USP49: variants seen among roughly 807,000 people sequenced by gnomAD.
The protein encoded by USP49 is ubiquitin carboxyl-terminal hydrolase 49.
In USP49, 24 loss-of-function variants were observed where a neutral mutation model predicts 58.6. The observed-to-expected ratio is 0.41, with a 90% confidence interval of 0.30 to 0.58. The LOEUF is 0.58. Ranked by LOEUF, USP49 falls within the 20% of genes least tolerant of loss-of-function variation. USP49 has a pLI of 0.30. For missense variants in USP49, 703 were observed against 866.1 expected (o/e 0.81, Z 2.36); for synonymous variants, 408 against 365.1 (o/e 1.12, Z -1.34).
At chr6:41,878,855 G>A (rs1774553792) in intron 2 of USP49, among the ~76,000 whole-genome samples, 1 of 152,136 alleles carries the variant, frequency 6.6e-6, no homozygotes, top group East Asian at 1.9e-4. Flanking sequence ...ACAGCATGAA[G>A]CACAGAGGGC....
chr6:41,822,986 G>A (rs1773476943), intron 3 of USP49, among the ~76,000 whole-genome samples: 4 of 152,108 alleles, frequency 2.6e-5, no homozygotes, highest in African/African-American at 9.7e-5. Context: ...ATAGGGGATA[G>A]GTTAAATGAA....
Position 41,806,355 on chromosome 6 carries a change from C to G in USP49, c.629G>C (p.Arg210Pro). The change falls in exon 4 of 8, where the codon CGG (arginine) becomes CCG (proline). Residue 210 changes from arginine to proline, a missense_variant. By Grantham distance (103) the Arg-to-Pro change is moderately radical. This residue lies in a region of USP49 where 376 missense variants were observed against 373.5 expected (regional missense o/e 1.01). Coordinates refer to ENST00000682992, the MANE Select transcript of USP49 (RefSeq NM_001286554.2). This position sits in a 1 kb window ranked among gnomAD's most constrained non-coding sequence, Gnocchi z 5.9. Reference protein sequence around the residue: ...LASTPPRKSARLLLHTPRDAG... With the variant: ...LASTPPRKSAPLLLHTPRDAG... ...GTCGCGGGGCGTGTGCAGGAGCAGC[C>G]GTGCACTCTTGCGCGGAGGGGTGCT... The G allele has an allele frequency of 6.5e-7, 1 of 1,531,838 alleles. No homozygotes were observed. Among genetic ancestry groups the G allele is most frequent in the Non-Finnish European group, 8.7e-7 (1 of 1,150,734 alleles). The allele number at this position is 1,531,838 out of a possible 1,614,324, so 94.9% of individuals were successfully genotyped here.
intron 3 of USP49, among the ~76,000 whole-genome samples, chr6:41,808,770 C>G (rs1472977216): frequency 1.3e-5 from 2 of 152,018 alleles, no homozygotes; most frequent in Non-Finnish European, 2.9e-5. Flanking sequence ...GGCGTTTTCC[C>G]CTCAATACCA....
chr6:41,848,252 CA>C (rs959166793), intron 3 of USP49, among the ~76,000 whole-genome samples: 18 of 150,692 alleles, frequency 1.2e-4, no homozygotes, highest in African/African-American at 3.7e-4. Context: ...TACATCGCTA[CA>C]AAAAAAATCA....
chr6:41,857,698 C>A (rs1774154526), intron 3 of USP49, among the ~76,000 whole-genome samples: 1 of 152,190 alleles, frequency 6.6e-6, no homozygotes. Flanking sequence ...CTAATACCTT[C>A]TTCACACCCA....
intron 3 of USP49, among the ~76,000 whole-genome samples, chr6:41,819,479 A>T (rs1017718814): frequency 4.2e-4 from 64 of 152,160 alleles, no homozygotes; most frequent in Non-Finnish European, 1.2e-4. Flanking sequence ...ATACATACAT[A>T]TATACATATC....
At chr6:41,802,464 AT>A (rs1272102736) in intron 5 of USP49, among the ~76,000 whole-genome samples, 3 of 73,698 alleles carry the variant, frequency 4.1e-5, no homozygotes, top group Admixed American at 1.5e-4. Flanking sequence ...TTATTTATTT[AT>A]TTATTTTTTA....
intron 7 of USP49, 61 bp downstream of exon 7, chr6:41,798,663 A>G (rs751154209): frequency 3.7e-6 from 6 of 1,611,202 alleles, no homozygotes; most frequent in African/African-American, 2.7e-5. Context: ...GGAAAACAAT[A>G]AAATGTGGAC....
At chr6:41,800,156 A>G (rs1357810717) in intron 5 of USP49, among the ~76,000 whole-genome samples, 1 of 152,156 alleles carries the variant, frequency 6.6e-6, no homozygotes, top group Non-Finnish European at 1.5e-5. Flanking sequence ...GATGAAAGGA[A>G]TGACTGTGTG....
chr6:41,806,715 C>T lies in USP49; in HGVS notation c.269G>A (p.Gly90Glu). Reference sequence around the variant, plus strand: ...GGAGCTTCTTAGCAGCTTCAGGTCCCCCTCTGGGTTATCATTGAGCACGTA... The same window carrying T: ...GGAGCTTCTTAGCAGCTTCAGGTCCTCCTCTGGGTTATCATTGAGCACGTA... ...KDYVLNDNPEGDLKLLRSSLL... is the reference protein window; with the variant it reads ...KDYVLNDNPEEDLKLLRSSLL... Residue 90 changes from glycine to glutamate, a missense_variant, in exon 4 of 8, where the codon GGG (glycine) becomes GAG (glutamate). By Grantham distance (98) the Gly-to-Glu change is moderately conservative. This residue lies in a region of USP49 where 376 missense variants were observed against 373.5 expected (regional missense o/e 1.01). Coordinates refer to ENST00000682992, the MANE Select transcript of USP49 (RefSeq NM_001286554.2). This position sits in a 1 kb window ranked among gnomAD's most constrained non-coding sequence, Gnocchi z 5.9. The T allele has an allele frequency of 6.2e-7, 1 of 1,614,248 alleles. No homozygotes were observed. The highest frequency in any genetic ancestry group is 8.5e-7 in the Non-Finnish European group (1 of 1,180,042).
intron 3 of USP49, among the ~76,000 whole-genome samples, chr6:41,837,843 A>C (rs9349202): frequency 0.18 from 27,518 of 152,252 alleles, 3,059 homozygotes; most frequent in East Asian, 0.29. Flanking sequence ...GCCAACAAGC[A>C]TATGAAAAGA....
At chr6:41,887,774 TC>T (rs1417980373) in intron 2 of USP49, among the ~76,000 whole-genome samples, 1 of 152,108 alleles carries the variant, frequency 6.6e-6, no homozygotes, top group African/African-American at 2.4e-5. Flanking sequence ...AGAGTGTAAA[TC>T]ACTAATTAGC....
intron 3 of USP49, among the ~76,000 whole-genome samples, chr6:41,856,058 A>G (rs1294632968): frequency 6.7e-6 from 1 of 149,608 alleles, no homozygotes; most frequent in Admixed American, 6.7e-5. Context: ...AAAAAAAAAA[A>G]AGTAAATTAA....
At chr6:41,840,582 C>G (rs1773808243) in intron 3 of USP49, among the ~76,000 whole-genome samples, 1 of 152,014 alleles carries the variant, frequency 6.6e-6, no homozygotes, top group South Asian at 2.1e-4. Context: ...GGATGAATCT[C>G]AAGGTTCTTT....
At chr6:41,851,164 C>T (rs145294913) in intron 3 of USP49, among the ~76,000 whole-genome samples, 13 of 152,274 alleles carry the variant, frequency 8.5e-5, no homozygotes, top group South Asian at 6.2e-4. Flanking sequence ...TACCCTGACA[C>T]TAAACCAGAC....
intron 2 of USP49, among the ~76,000 whole-genome samples, chr6:41,888,189 G>A (rs949163899): frequency 6.6e-6 from 1 of 151,488 alleles, no homozygotes; most frequent in Non-Finnish European, 1.5e-5. Flanking sequence ...CAAGTAGCTG[G>A]GATTACGGGC....
At chr6:41,894,853 G>A (rs931054854) in intron 1 of USP49, among the ~76,000 whole-genome samples, 10 of 151,726 alleles carry the variant, frequency 6.6e-5, no homozygotes, top group African/African-American at 2.4e-4. Flanking sequence ...CCTCTCCCTG[G>A]CTTCTAACCC....
intron 2 of USP49, among the ~76,000 whole-genome samples, chr6:41,871,916 T>G (rs1774418310): frequency 6.6e-6 from 1 of 152,212 alleles, no homozygotes. Context: ...TTGTTTTAGG[T>G]CTTAAAAATT....
Position 41,830,273 on chromosome 6 carries a change from A to G in USP49, c.-28-23262T>C, listed in dbSNP as rs72867141. ...ATCTGTTCCATGAAGGTCTGATAAA[A>G]CTTACCTGTAAACCTGTCTCATCTA... is the stretch of plus-strand genomic sequence containing the variant. On this transcript the variant is annotated intron_variant, in intron 3 of 7. Transcript: ENST00000682992. Among the ~76,000 whole-genome samples the G allele has an allele frequency of 9.3e-3, 1,422 of 152,296 alleles. 9 individuals are homozygous for G. Among genetic ancestry groups the G allele is most frequent in the Non-Finnish European group, 0.016 (1,082 of 68,032 alleles).
Sources: allele counts gnomAD v4.1 joint callset (sites outside exome capture counted in the v4.1 genomes callset), GRCh38; gene constraint gnomAD v4.1.1; regional missense constraint gnomAD v4.1.1; non-coding constraint Gnocchi (gnomAD v3.1); transcripts MANE v1.5; gene names NCBI Gene and HGNC (gene_info 2026-07-23, HGNC 2026-07-21).